Variants in MIA2 observed in about 807,000 individuals in gnomAD.
The protein encoded by MIA2 is MIA SH3 domain ER export factor 2.
In MIA2, 127 loss-of-function variants were observed where a neutral mutation model predicts 167.8. The ratio of observed to expected loss-of-function variants is 0.76; its 90% CI spans 0.66 to 0.88. The LOEUF is 0.88. Ranked by LOEUF, MIA2 falls within the 40% of genes least tolerant of loss-of-function variation. The pLI is 0.00. For missense variants in MIA2, 1,690 were observed against 1,624.7 expected (o/e 1.04, Z -0.69); for synonymous variants, 552 against 541.9 (o/e 1.02, Z -0.26).
At chr14:39,258,425 T>C (rs1302934936) in intron 6 of MIA2, among the ~76,000 whole-genome samples, 1 of 152,236 alleles carries the variant, frequency 6.6e-6, no homozygotes, top group Non-Finnish European at 1.5e-5. Flanking sequence ...GCTGTGTTTT[T>C]CAGCTCCATC....
chr14:39,345,766 G>A (rs1343886612), intron 25 of MIA2, 138 bp from the exon 26 acceptor site: 5 of 613,538 alleles, frequency 8.1e-6, no homozygotes, highest in African/African-American at 1.9e-5. Flanking sequence ...TTCTGAAATT[G>A]TCTACTGTTG....
At chr14:39,346,169 T>A (rs1595879290) in intron 26 of MIA2, 143 bp downstream of exon 26, 2 of 710,742 alleles carry the variant, frequency 2.8e-6, no homozygotes, top group African/African-American at 3.6e-5. Context: ...CCTGGTTTTA[T>A]GTTTCTTGTT....
intron 23 of MIA2, among the ~76,000 whole-genome samples, chr14:39,360,392 AC>A (rs1306470915): frequency 1.3e-5 from 2 of 150,972 alleles, no homozygotes; most frequent in Admixed American, 6.6e-5. Flanking sequence ...TGTTTCATAT[AC>A]CTGTTGGCCA....
chr14:39,285,548 A>G lies in MIA2; in HGVS notation c.2131-5471A>G, dbSNP rs549471047. On this transcript the variant is annotated intron_variant, in intron 9 of 28. Transcript: ENST00000640607. ...ACCCCCCACCTCCCTCCCGGACGGG[A>G]TGGCTGGCCGGGCGGGGGCTGACCC... Among the ~76,000 whole-genome samples the G allele has an allele frequency of 2.6e-3, 113 of 43,706 alleles. 1 individual carries two copies. Among genetic ancestry groups the G allele is most frequent in the South Asian group, 4.7e-3 (5 of 1,058 alleles). 28.7% of individuals were successfully genotyped at this position (43,706 alleles called of 152,430 possible). A position where few individuals can be genotyped will look rare whatever the true frequency, so the allele number is the denominator to read the frequency against.
At position 39,253,120 on chromosome 14, in the gene MIA2, T is replaced by G. The variant is rs774013936; in HGVS notation, c.1836T>G (p.Val612=). 3.7e-6 allele frequency: 6 copies of G among 1,607,334 alleles called. No individual in the cohort carries two copies. The Admixed American group carries it at 1.0e-4, about 27-fold the overall frequency. The change falls in exon 6 of 29, where the codon GTT becomes GTG. Residue 612 remains valine (V), a synonymous_variant. Coordinates refer to ENST00000640607, the MANE Select transcript of MIA2 (RefSeq NM_001329214.4). ...TGAAATACTTATTCCAAATTGATGT[T>G]TATGATTTCATGAATTCTGCATTTT... The part of the protein sequence containing the change: ...QILKYLFQID[V]YDFMNSAFSP...
chr14:39,313,330 T>G lies in MIA2; in HGVS notation c.3018-10T>G. 7.1e-7 allele frequency: 1 copy of G among 1,399,728 alleles called. No homozygotes were observed. The highest frequency in any genetic ancestry group is 2.3e-5 in the East Asian group (1 of 43,356). 86.7% of individuals were successfully genotyped at this position (1,399,728 alleles called of 1,614,324 possible). A position where few individuals can be genotyped will look rare whatever the true frequency, so the allele number is the denominator to read the frequency against. On this transcript the variant is annotated splice_polypyrimidine_tract_variant and intron_variant, in intron 18 of 28. Coordinates refer to ENST00000640607, the MANE Select transcript of MIA2 (RefSeq NM_001329214.4). ...GTATTAAGAGAATTATAACATTTTT[T>G]GTTTTTAAGGAAATTAACAGTAGAG...
At chr14:39,353,618 T>C (rs1461459754), downstream of MIA2, among the ~76,000 whole-genome samples, 1 of 152,174 alleles carries the variant, frequency 6.6e-6, no homozygotes. Flanking sequence ...ATGTGCACAA[T>C]GTGCAGGTTT....
At chr14:39,307,383 T>A (rs1468941159) in intron 17 of MIA2, among the ~76,000 whole-genome samples, 1 of 144,976 alleles carries the variant, frequency 6.9e-6, no homozygotes, top group Non-Finnish European at 1.5e-5. Flanking sequence ...TAACAAAAGT[T>A]AAAAGAATTT....
At chr14:39,277,779 T>G (rs2058377276) in intron 7 of MIA2, among the ~76,000 whole-genome samples, 2 of 87,184 alleles carry the variant, frequency 2.3e-5, no homozygotes, top group Non-Finnish European at 4.8e-5. Flanking sequence ...TATATATATA[T>G]ATTTATATTT....
rs769431675 is a variant in MIA2 at position 39,319,277 on chromosome 14, C to T, written c.3353C>T (p.Thr1118Ile). 1.3e-6 allele frequency: 2 copies of T among 1,531,024 alleles called. No individual in the cohort carries two copies. Among genetic ancestry groups the T allele is most frequent in the Non-Finnish European group, 1.8e-6 (2 of 1,138,662 alleles). The allele number at this position is 1,531,024 out of a possible 1,614,324, so 94.8% of individuals were successfully genotyped here. ...CCTTATGCACTCGATGTTCCAAATA[C>T]AGCATTTGGCAGAGGTAGTCTTTTT... ...KDPYALDVPN[T>I]AFGREHSPYG... Residue 1118 changes from threonine to isoleucine, a missense_variant, in exon 23 of 29, where the codon ACA becomes ATA. Coordinates refer to ENST00000640607, the MANE Select transcript of MIA2 (RefSeq NM_001329214.4).
intron 6 of MIA2, chr14:39,253,550 T>C: frequency 4.3e-6 from 1 of 230,776 alleles, no homozygotes; most frequent in Non-Finnish European, 8.3e-6. Context: ...GAGGATCCTT[T>C]TACTGAATGT....
intron 17 of MIA2, among the ~76,000 whole-genome samples, chr14:39,305,262 G>A (rs1396157371): frequency 6.6e-6 from 1 of 152,214 alleles, no homozygotes; most frequent in Non-Finnish European, 1.5e-5. Flanking sequence ...TTAAGAGAAT[G>A]TTGCTATATG....
chr14:39,305,935 C>CA (rs11285736), intron 17 of MIA2, among the ~76,000 whole-genome samples: 129 of 125,554 alleles, frequency 1.0e-3, no homozygotes, highest in East Asian at 2.4e-3. Context: ...GACTTTGTCT[C>CA]AAAAAAAAAA....
chr14:39,366,978 T>A (rs1441319619), intron 23 of MIA2, among the ~76,000 whole-genome samples: 1 of 152,212 alleles, frequency 6.6e-6, no homozygotes, highest in Non-Finnish European at 1.5e-5. Flanking sequence ...AGAGAGTTGC[T>A]GCCAGTGGCG....
At chr14:39,265,807 G>T in intron 6 of MIA2, 1 of 224,990 alleles carries the variant, frequency 4.4e-6, no homozygotes, top group Non-Finnish European at 7.7e-6. Context: ...GTTTGATTAT[G>T]CTTGTTTTGA....
rs1566746742 is a variant in MIA2, at chr14:39,288,448, TATATATATATATATATATATATATATA to T, written c.2131-2570_2131-2544del. Among the ~76,000 whole-genome samples the T allele has an allele frequency of 4.5e-3, 155 of 34,606 alleles. 3 individuals are homozygous for T. The highest frequency in any genetic ancestry group is 0.019 in the South Asian group (23 of 1,232). 22.7% of individuals were successfully genotyped at this position (34,606 alleles called of 152,430 possible). A position where few individuals can be genotyped will look rare whatever the true frequency, so the allele number is the denominator to read the frequency against. On this transcript the variant is annotated intron_variant, in intron 9 of 28. Transcript: ENST00000640607. ...TATATTATACATATATATATATATA[TATATATATATATATATATATATATATA>T]TTTTTTTTTTTTTTTTTGAGACGGA...
intron 23 of MIA2, among the ~76,000 whole-genome samples, chr14:39,360,002 T>G (rs1354717809): frequency 6.6e-6 from 1 of 151,424 alleles, no homozygotes; most frequent in Non-Finnish European, 1.5e-5. Flanking sequence ...GTTTTTTTTT[T>G]TTTTTTTTTG....
chr14:39,354,721 T>C (rs1306681325), downstream of MIA2, among the ~76,000 whole-genome samples: 2 of 152,218 alleles, frequency 1.3e-5, no homozygotes, highest in Non-Finnish European at 1.5e-5. Context: ...TTAATCCATC[T>C]TGAATTAATT....
At position 39,299,905 on chromosome 14, in the gene MIA2, A is replaced by C; in HGVS notation, c.2538A>C (p.Glu846Asp). ...AAGTATGGAAAGAACAAGTGAGTGA[A>C]CTTAATAAACAGAAAGTAACATTTG... ...EAEVWKEQVS[E>D]LNKQKVTFED... The change falls in exon 14 of 29, where the codon GAA becomes GAC. Residue 846 changes from glutamate (E) to aspartate (D), a missense_variant. Physicochemically the swap from Glu to Asp is conservative, Grantham distance 45. Coordinates refer to ENST00000640607, the MANE Select transcript of MIA2 (RefSeq NM_001329214.4). 6.2e-7 allele frequency: 1 copy of C among 1,608,982 alleles called. No individual in the cohort carries two copies. Among genetic ancestry groups the C allele is most frequent in the Non-Finnish European group, 8.5e-7 (1 of 1,178,712 alleles).
Sources: gnomAD v4.1 joint callset for allele counts (sites outside exome capture counted in the v4.1 genomes callset) on GRCh38, gnomAD v4.1.1 for gene constraint, MANE v1.5 for transcripts, NCBI Gene and HGNC (gene_info 2026-07-23, HGNC 2026-07-21) for gene names.